Variants in TSGA10 observed in about 807,000 individuals in gnomAD.
TSGA10 encodes testis-specific gene 10 protein.
TSGA10 carries 43 observed loss-of-function variants against 96.6 expected under a neutral mutation model. The ratio of observed to expected loss-of-function variants is 0.44; its 90% CI spans 0.35 to 0.57. TSGA10 has a LOEUF of 0.57. Ranked by LOEUF, TSGA10 falls within the 20% of genes least tolerant of loss-of-function variation. TSGA10 has a pLI of 0.01. For synonymous variants in TSGA10, 229 were observed against 269.9 expected, an observed-to-expected ratio of 0.85 and a Z score of 1.48; for missense variants, 703 against 834.4, an observed-to-expected ratio of 0.84 and a Z score of 1.94.
At chr2:99,139,310 T>G (rs1350687094) in intron 1 of TSGA10, among the ~76,000 whole-genome samples, 2 of 152,106 alleles carry the variant, frequency 1.3e-5, no homozygotes, top group Non-Finnish European at 2.9e-5. Flanking sequence ...TCTGTCTGGT[T>G]GAATTTTAAT....
intron 15 of TSGA10, among the ~76,000 whole-genome samples, chr2:99,066,251 T>C (rs183642961): frequency 1.3e-5 from 2 of 152,342 alleles, no homozygotes; most frequent in East Asian, 1.9e-4. Flanking sequence ...GTCAACAATA[T>C]ACTAAACTAC....
At chr2:99,134,717 T>C (rs932934556) in intron 1 of TSGA10, among the ~76,000 whole-genome samples, 4 of 152,218 alleles carry the variant, frequency 2.6e-5, no homozygotes, top group African/African-American at 9.6e-5. Context: ...CTTCATGGAT[T>C]TATCTGCCTT....
intron 10 of TSGA10, among the ~76,000 whole-genome samples, chr2:99,084,101 A>C (rs1056907317): frequency 6.6e-6 from 1 of 152,228 alleles, no homozygotes; most frequent in African/African-American, 2.4e-5. Flanking sequence ...GCAAAACAAA[A>C]AAAAGTCCTA....
At chr2:99,074,566 C>T (rs564108936) in intron 12 of TSGA10, among the ~76,000 whole-genome samples, 3 of 151,778 alleles carry the variant, frequency 2.0e-5, no homozygotes, top group African/African-American at 7.3e-5. Flanking sequence ...AACTAAAAGA[C>T]AAAATACTCC....
intron 16 of TSGA10, among the ~76,000 whole-genome samples, chr2:99,059,229 A>G (rs1250195392): frequency 6.6e-6 from 1 of 151,654 alleles, no homozygotes; most frequent in Non-Finnish European, 1.5e-5. Flanking sequence ...TTATTTTTTA[A>G]AGCAATGTAT....
At chr2:99,115,853 T>C (rs2092221535) in intron 4 of TSGA10, among the ~76,000 whole-genome samples, 3 of 152,282 alleles carry the variant, frequency 2.0e-5, no homozygotes, top group African/African-American at 7.2e-5. Context: ...CACTCCAGCC[T>C]GGGTGACAGA....
chr2:99,123,363 C>T (rs144099747), intron 2 of TSGA10, among the ~76,000 whole-genome samples: 38 of 152,188 alleles, frequency 2.5e-4, no homozygotes, highest in Middle Eastern at 3.4e-3. Context: ...TTACCTGTCT[C>T]TGAGGCTCTA....
At chr2:99,037,133 T>G (rs2081701889) in intron 16 of TSGA10, among the ~76,000 whole-genome samples, 1 of 152,170 alleles carries the variant, frequency 6.6e-6, no homozygotes, top group Non-Finnish European at 1.5e-5. Context: ...CTGAACAGCG[T>G]TATCAATCAA....
At chr2:99,090,663 A>T (rs2089209969) in intron 10 of TSGA10, among the ~76,000 whole-genome samples, 1 of 152,216 alleles carries the variant, frequency 6.6e-6, no homozygotes. Flanking sequence ...GAACAAACAG[A>T]ATAAAAAACT....
rs536792917 is a variant in TSGA10, at chr2:99,150,801, A to C, written c.-621+3892T>G. 51 of 1,600,236 alleles carry C rather than the reference A, an allele frequency of 3.2e-5. No individual in the cohort carries two copies. In the East Asian group the frequency reaches 1.1e-3, roughly 33 times the overall value. ...TGGGTTCAGTGGTATATGTCAAAGA[A>C]AGTGATGGACTAGAAATGACAGATG... On this transcript the variant is annotated intron_variant, in intron 1 of 20. Transcript: ENST00000393483.
chr2:99,081,295 C>A lies in TSGA10; in HGVS notation c.714G>T (p.Leu238Phe). The A allele has an allele frequency of 6.4e-7, 1 of 1,558,252 alleles. No homozygotes were observed. Among genetic ancestry groups the A allele is most frequent in the Non-Finnish European group, 8.7e-7 (1 of 1,153,276 alleles). Residue 238 changes from leucine to phenylalanine, a missense_variant, in exon 11 of 21, where the codon TTG becomes TTT. Leu to Phe is a conservative substitution (Grantham distance 22). Transcript: ENST00000393483. The stretch of plus-strand genomic sequence containing the variant: ...AAAAAAACTCACCAATTTTTTCATC[C>A]AAGCACATAATTTTCTCCTGAGTAA... ...LQLTQEKIMC[L>F]DEKIDNFTRQ...
chr2:99,015,181 T>C (rs1280327275), intron 20 of TSGA10, among the ~76,000 whole-genome samples: 1 of 151,958 alleles, frequency 6.6e-6, no homozygotes, highest in Non-Finnish European at 1.5e-5. Context: ...GGAAAGGACA[T>C]AACAAAAAGT....
chr2:99,149,959 A>G (rs2093675712), intron 1 of TSGA10, among the ~76,000 whole-genome samples: 1 of 151,306 alleles, frequency 6.6e-6, no homozygotes, highest in South Asian at 2.1e-4. Context: ...CACCCAGCTA[A>G]TTTTTGTATT....
chr2:99,011,714 G>A lies in TSGA10; in HGVS notation c.2072+6486C>T, dbSNP rs547072021. Among the ~76,000 whole-genome samples the A allele has an allele frequency of 2.6e-5, 4 of 152,242 alleles. No individual in the cohort carries two copies. The South Asian group carries it at 8.3e-4, about 32-fold the overall frequency. Reference sequence around the variant, plus strand: ...TGTGTGTCTGTGAAGAAACATGCAAGCATGTGAGCACATGAGCCACCACAT... The same window carrying A: ...TGTGTGTCTGTGAAGAAACATGCAAACATGTGAGCACATGAGCCACCACAT... On this transcript the variant is annotated intron_variant, in intron 20 of 20. Transcript: ENST00000393483.
intron 16 of TSGA10, among the ~76,000 whole-genome samples, chr2:99,059,286 AT>A (rs2084379517): frequency 6.6e-6 from 1 of 151,832 alleles, no homozygotes; most frequent in Non-Finnish European, 1.5e-5. Flanking sequence ...GACCATCTCA[AT>A]AGCTGCAGAA....
intron 20 of TSGA10, among the ~76,000 whole-genome samples, chr2:99,001,079 G>T (rs1326086469): frequency 6.6e-6 from 1 of 152,200 alleles, no homozygotes; most frequent in Non-Finnish European, 1.5e-5. Flanking sequence ...AGAAACTTCT[G>T]CAGACTTAAA....
At chr2:99,113,309 G>C (rs2091970876) in intron 4 of TSGA10, among the ~76,000 whole-genome samples, 1 of 152,098 alleles carries the variant, frequency 6.6e-6, no homozygotes, top group Admixed American at 6.5e-5. Flanking sequence ...TATAACTTTT[G>C]AGACTGGGTC....
Sources: allele counts gnomAD v4.1 joint callset (sites outside exome capture counted in the v4.1 genomes callset), GRCh38; gene constraint gnomAD v4.1.1; transcripts MANE v1.5; gene names NCBI Gene and HGNC (gene_info 2026-07-23, HGNC 2026-07-21).